Variants in SLC44A1 observed in about 807,000 individuals in gnomAD.
SLC44A1 encodes choline transporter-like protein 1.
SLC44A1 carries 26 observed loss-of-function variants against 79.3 expected under a neutral mutation model. The observed-to-expected ratio is 0.33, with a 90% confidence interval of 0.24 to 0.46. SLC44A1 has a LOEUF of 0.46. Ranked by LOEUF, SLC44A1 falls within the 20% of genes least tolerant of loss-of-function variation. The pLI, the probability that SLC44A1 is intolerant of heterozygous loss-of-function variation, is 1.00. For missense variants in SLC44A1, 688 were observed against 798.1 expected (o/e 0.86, Z 1.66); for synonymous variants, 263 against 286.2 (o/e 0.92, Z 0.82).
chr9:105,386,488 G>T (rs993566130), intron 15 of SLC44A1: 1 of 962,910 alleles, frequency 1.0e-6, no homozygotes, highest in African/African-American at 1.8e-5. Context: ...TTTATAGCAA[G>T]TTTGTCCAAC....
intron 1 of SLC44A1, among the ~76,000 whole-genome samples, chr9:105,297,679 G>A (rs1588749191): frequency 6.6e-6 from 1 of 152,158 alleles, no homozygotes; most frequent in African/African-American, 2.4e-5. Context: ...ACCATGCCTG[G>A]CCTGTGCTTA....
intron 4 of SLC44A1, among the ~76,000 whole-genome samples, chr9:105,345,449 G>A (rs540012206): frequency 6.6e-6 from 1 of 152,228 alleles, no homozygotes; most frequent in East Asian, 1.9e-4. Context: ...TTTGGCCCAG[G>A]AGTTTATTGA....
At chr9:105,435,550 C>A (rs182506982) in intron 15 of SLC44A1, among the ~76,000 whole-genome samples, 1 of 152,282 alleles carries the variant, frequency 6.6e-6, no homozygotes, top group Non-Finnish European at 1.5e-5. Context: ...TAGGGCAGGG[C>A]AGGAACATAT....
chr9:105,407,827 GCCACTGCAC>G (rs1335736901), intron 15 of SLC44A1, among the ~76,000 whole-genome samples: 1 of 151,602 alleles, frequency 6.6e-6, no homozygotes, highest in Non-Finnish European at 1.5e-5. Flanking sequence ...CTGAGATCAT[GCCACTGCAC>G]TCCAGCCTGG....
At chr9:105,308,482 G>A (rs1000535335) in intron 2 of SLC44A1, among the ~76,000 whole-genome samples, 1 of 152,172 alleles carries the variant, frequency 6.6e-6, no homozygotes, top group Non-Finnish European at 1.5e-5. Context: ...ATAGCTTCAC[G>A]AAGTTTCTAC....
chr9:105,256,942 A>G (rs529256699), intron 1 of SLC44A1, among the ~76,000 whole-genome samples: 1 of 151,494 alleles, frequency 6.6e-6, no homozygotes, highest in East Asian at 1.9e-4. Context: ...GCCCACCACG[A>G]CAGAGGGCTA....
At chr9:105,401,884 C>G (rs1828962969), downstream of SLC44A1, among the ~76,000 whole-genome samples, 1 of 152,102 alleles carries the variant, frequency 6.6e-6, no homozygotes. Flanking sequence ...ATGAGGGACG[C>G]AGAGAGCAGT....
At chr9:105,318,021 C>T (rs1831373020) in intron 3 of SLC44A1, among the ~76,000 whole-genome samples, 1 of 152,150 alleles carries the variant, frequency 6.6e-6, no homozygotes, top group Non-Finnish European at 1.5e-5. Context: ...CCTACTGTCA[C>T]TCCCACTTTA....
At chr9:105,357,158 T>A (rs1389034761) in intron 6 of SLC44A1, 1 of 152,212 alleles carries the variant, frequency 6.6e-6, no homozygotes, top group Admixed American at 6.5e-5. Context: ...TAGGTAGTAC[T>A]TGACTCAATT....
intron 15 of SLC44A1, among the ~76,000 whole-genome samples, chr9:105,421,921 G>A (rs1337741262): frequency 6.6e-6 from 1 of 152,136 alleles, no homozygotes; most frequent in Non-Finnish European, 1.5e-5. Flanking sequence ...GCACACTGGT[G>A]CATTGTCAGT....
In SLC44A1 at chr9:105,247,360, C is replaced by T. The variant is rs531766947; in HGVS notation, c.36+2456C>T. Among the ~76,000 whole-genome samples, 4 of 152,218 alleles carry T rather than the reference C, an allele frequency of 2.6e-5. No individual in the cohort carries two copies. In the South Asian group the frequency reaches 6.2e-4, roughly 24 times the overall value. On this transcript the variant is annotated intron_variant, in intron 1 of 15. Coordinates refer to ENST00000374720, the MANE Select transcript of SLC44A1 (RefSeq NM_080546.5). ...CCCAGGCTGCTGGAGTGCAGTGGTG[C>T]GATCTCAGCTCACTGCAACCTCCGC... is the stretch of plus-strand genomic sequence containing the variant.
rs12347204 is a variant in SLC44A1, at chr9:105,392,405, T to C, written c.*3349T>C. 164 of 60,866 alleles carry C rather than the reference T, an allele frequency of 2.7e-3. No individual in the cohort carries two copies. Among genetic ancestry groups the C allele is most frequent in the African/African-American group, 0.015 (51 of 3,332 alleles). 3.8% of individuals were successfully genotyped at this position (60,866 alleles called of 1,614,324 possible). On this transcript the variant is annotated 3_prime_UTR_variant, in exon 16 of 16. Coordinates refer to ENST00000374720, the MANE Select transcript of SLC44A1 (RefSeq NM_080546.5). The stretch of plus-strand genomic sequence containing the variant: ...AGAGATGCTCTCTCTCTCTCTCTCT[T>C]TTTTTTTTTTTTTTTTTTTTTTTTT...
At chr9:105,284,228 CT>C (rs34449378) in intron 1 of SLC44A1, among the ~76,000 whole-genome samples, 26,338 of 132,070 alleles carry the variant, frequency 0.2, 4,279 homozygotes, top group African/African-American at 0.47. Context: ...CAAATACAGT[CT>C]TTTTTTTTTT....
intron 4 of SLC44A1, among the ~76,000 whole-genome samples, chr9:105,342,975 TAAAAA>T (rs534467462): frequency 7.1e-6 from 1 of 140,982 alleles, no homozygotes; most frequent in Admixed American, 7.1e-5. Flanking sequence ...TCCTTGTCTC[TAAAAA>T]AAAAAAAATA....
intron 13 of SLC44A1, among the ~76,000 whole-genome samples, chr9:105,375,297 C>A (rs1490789725): frequency 1.3e-5 from 2 of 152,330 alleles, no homozygotes; most frequent in South Asian, 2.1e-4. Context: ...GCCTTCGCCT[C>A]CCAAAGTGCT....
At chr9:105,324,912 A>G (rs1826523401) in intron 3 of SLC44A1, among the ~76,000 whole-genome samples, 1 of 152,242 alleles carries the variant, frequency 6.6e-6, no homozygotes, top group African/African-American at 2.4e-5. Context: ...GGAATGTAAA[A>G]TATGATAGCT....
At chr9:105,421,224 G>A (rs909887385) in intron 15 of SLC44A1, among the ~76,000 whole-genome samples, 3 of 152,148 alleles carry the variant, frequency 2.0e-5, no homozygotes, top group Non-Finnish European at 2.9e-5. Context: ...AGATGTGCTG[G>A]AATGGCATAC....
chr9:105,355,950 C>T (rs530781937), intron 5 of SLC44A1: 12 of 424,802 alleles, frequency 2.8e-5, no homozygotes, highest in East Asian at 1.4e-4. Flanking sequence ...TGTGTGTGTG[C>T]GTTTCTTTTC....
intron 1 of SLC44A1, among the ~76,000 whole-genome samples, chr9:105,292,572 T>A (rs1046294878): frequency 2.6e-5 from 4 of 152,208 alleles, no homozygotes; most frequent in Non-Finnish European, 5.9e-5. Context: ...ATTTTTAGAA[T>A]GTTTTGGGGC....
Sources: allele counts gnomAD v4.1 joint callset (sites outside exome capture counted in the v4.1 genomes callset), GRCh38; gene constraint gnomAD v4.1.1; transcripts MANE v1.5; gene names NCBI Gene and HGNC (gene_info 2026-07-23, HGNC 2026-07-21).